The following KIAA1549L variants were observed in gnomAD, a reference collection of about 807,000 sequenced individuals.
KIAA1549L encodes UPF0606 protein KIAA1549L.
Under a neutral mutation model 160.7 loss-of-function variants are expected in KIAA1549L, and 88 were observed. That is an observed-to-expected ratio of 0.55 (90% CI 0.46 to 0.65). KIAA1549L has a LOEUF of 0.65. Ranked by LOEUF, KIAA1549L falls within the 30% of genes least tolerant of loss-of-function variation. The pLI, the probability that KIAA1549L is intolerant of heterozygous loss-of-function variation, is 0.00. For missense variants in KIAA1549L, 2,258 were observed against 2,437.5 expected, an observed-to-expected ratio of 0.93 and a Z score of 1.55; for synonymous variants, 950 against 976.7, an observed-to-expected ratio of 0.97 and a Z score of 0.51.
intron 1 of KIAA1549L, among the ~76,000 whole-genome samples, chr11:33,457,174 T>C (rs1851844599): frequency 6.6e-6 from 1 of 152,068 alleles, no homozygotes; most frequent in African/African-American, 2.4e-5. Flanking sequence ...GAAGAGGGGT[T>C]TGGGGGAGTG....
chr11:33,416,400 A>T (rs1271529588), intron 1 of KIAA1549L, among the ~76,000 whole-genome samples: 1 of 152,038 alleles, frequency 6.6e-6, no homozygotes, highest in African/African-American at 2.4e-5. Flanking sequence ...TCCCTAGTAA[A>T]TCTTTATGTA....
Position 33,394,055 on chromosome 11 carries a change from T to C in KIAA1549L, c.238+17166T>C, listed in dbSNP as rs577104775. ...GCATCACAAGCCAGGTACTAACTTC[T>C]CTCCACAGATGGGTTTTCAAAAATT... is the stretch of plus-strand genomic sequence containing the variant. On this transcript the variant is annotated intron_variant, in intron 1 of 20. Transcript: ENST00000658780. Among the ~76,000 whole-genome samples, 22 of 152,256 alleles carry C rather than the reference T, an allele frequency of 1.4e-4. No individual in the cohort carries two copies. The South Asian group carries it at 4.1e-3, about 29-fold the overall frequency.
chr11:33,438,367 G>A lies in KIAA1549L; in HGVS notation c.238+61478G>A, dbSNP rs143953325. On this transcript the variant is annotated intron_variant, in intron 1 of 20. Transcript: ENST00000658780. Reference sequence around the variant, plus strand: ...CGTTTCTCCTTATTTTGTGCCTAGAGTATAATAGCAAAACTTGTTAGAACC... The same window carrying A: ...CGTTTCTCCTTATTTTGTGCCTAGAATATAATAGCAAAACTTGTTAGAACC... 2.5e-3 allele frequency among the ~76,000 whole-genome samples: 374 copies of A among 152,336 alleles called. 1 individual carries two copies. Among genetic ancestry groups the A allele is most frequent in the African/African-American group, 7.0e-3 (292 of 41,572 alleles).
At chr11:33,643,082 C>T (rs575305995) in intron 16 of KIAA1549L, among the ~76,000 whole-genome samples, 14 of 152,154 alleles carry the variant, frequency 9.2e-5, no homozygotes, top group African/African-American at 3.1e-4. Flanking sequence ...GATTGGTGGC[C>T]GCATCAAGCC....
intron 16 of KIAA1549L, among the ~76,000 whole-genome samples, chr11:33,630,733 C>T (rs915603372): frequency 4.8e-5 from 7 of 145,480 alleles, no homozygotes; most frequent in African/African-American, 2.0e-4. Context: ...GCAGAAATCA[C>T]CCATCTTCTG....
chr11:33,446,225 G>T (rs1851608895), intron 1 of KIAA1549L, among the ~76,000 whole-genome samples: 1 of 151,756 alleles, frequency 6.6e-6, no homozygotes, highest in Non-Finnish European at 1.5e-5. Context: ...CTCCAGAGTA[G>T]CTGGGATTAC....
intron 1 of KIAA1549L, among the ~76,000 whole-genome samples, chr11:33,424,978 A>G (rs1482061656): frequency 6.6e-6 from 1 of 152,158 alleles, no homozygotes; most frequent in African/African-American, 2.4e-5. Context: ...AGTATCTCCA[A>G]ATGCCCAGCA....
At chr11:33,539,204 A>G (rs1853960029) in intron 1 of KIAA1549L, among the ~76,000 whole-genome samples, 1 of 152,220 alleles carries the variant, frequency 6.6e-6, no homozygotes, top group Non-Finnish European at 1.5e-5. Context: ...TCTGAGAAAT[A>G]TCCCAAACAT....
intron 1 of KIAA1549L, among the ~76,000 whole-genome samples, chr11:33,408,510 T>TATATATATATATATATATATATATATAC (rs58439063): frequency 3.4e-5 from 5 of 146,094 alleles, no homozygotes; most frequent in African/African-American, 1.3e-4. Context: ...TATATATATA[T>TATATATATATATATATATATATATATAC]ACACATGTAT....
chr11:33,589,599 A>T (rs899856214), intron 11 of KIAA1549L, among the ~76,000 whole-genome samples: 2 of 152,214 alleles, frequency 1.3e-5, no homozygotes, highest in East Asian at 3.9e-4. Flanking sequence ...TGAAGAGTTC[A>T]TGTCCTTTGT....
At chr11:33,450,585 C>CAAA (rs11453430) in intron 1 of KIAA1549L, 33 of 124,960 alleles carry the variant, frequency 2.6e-4, no homozygotes, top group African/African-American at 8.9e-4. Flanking sequence ...ACAACAACAA[C>CAAA]AACAAAAAAG....
At chr11:33,486,846 T>C (rs1479777887) in intron 1 of KIAA1549L, among the ~76,000 whole-genome samples, 4 of 152,224 alleles carry the variant, frequency 2.6e-5, no homozygotes, top group African/African-American at 9.6e-5. Flanking sequence ...CTGCTGATGA[T>C]GGAGCAGGTA....
At chr11:33,488,205 C>G (rs1852573530) in intron 1 of KIAA1549L, among the ~76,000 whole-genome samples, 1 of 152,154 alleles carries the variant, frequency 6.6e-6, no homozygotes, top group Non-Finnish European at 1.5e-5. Context: ...TGCTCAAACT[C>G]AAAGGCAGTG....
At chr11:33,583,234 T>A in intron 10 of KIAA1549L, 104 bp from the exon 11 acceptor site, 1 of 1,103,452 alleles carries the variant, frequency 9.1e-7, no homozygotes, top group South Asian at 1.6e-5. Context: ...ACCTCCCACG[T>A]CCTTCTGTCC....
chr11:33,384,582 C>T (rs963413685), intron 1 of KIAA1549L, among the ~76,000 whole-genome samples: 2 of 152,030 alleles, frequency 1.3e-5, no homozygotes, highest in African/African-American at 4.8e-5. Context: ...CTAGTTGTTC[C>T]TCTGTATCCT....
intron 1 of KIAA1549L, among the ~76,000 whole-genome samples, chr11:33,396,528 G>A (rs1024155288): frequency 1.3e-5 from 2 of 152,194 alleles, no homozygotes; most frequent in Non-Finnish European, 2.9e-5. Context: ...CTGACTTGAC[G>A]GGGTCTGGGA....
At position 33,645,892 on chromosome 11, in the gene KIAA1549L, C is replaced by G; in HGVS notation, c.5616C>G (p.His1872Gln). 6.2e-7 allele frequency: 1 copy of G among 1,613,720 alleles called. No homozygotes were observed. The change falls in exon 17 of 21, where the codon CAC becomes CAG. Residue 1872 changes from histidine to glutamine, a missense_variant. By Grantham distance (24) the His-to-Gln change is conservative. Around this residue, in one of 6 missense-constraint regions of KIAA1549L, gnomAD observed 1,359 missense variants for 1,546.6 expected, o/e 0.88. Coordinates refer to ENST00000658780, the MANE Select transcript of KIAA1549L (RefSeq NM_012194.3). ...CGGGCCACGCAGGCCAGAGCCGGCA[C>G]CAAGAGGCCTACGGCTCAGCCCAGC... ...ASAGHAGQSR[H>Q]QEAYGSAQHL... is the part of the protein sequence containing the mutation.
intron 1 of KIAA1549L, among the ~76,000 whole-genome samples, chr11:33,465,201 C>T (rs1005066055): frequency 6.6e-6 from 1 of 151,824 alleles, no homozygotes; most frequent in Non-Finnish European, 1.5e-5. Context: ...GGATTGTAGG[C>T]TCACGCCACC....
intron 1 of KIAA1549L, among the ~76,000 whole-genome samples, chr11:33,518,628 A>T (rs530679295): frequency 6.6e-6 from 1 of 152,210 alleles, no homozygotes; most frequent in Non-Finnish European, 1.5e-5. Context: ...TTTTTAATTC[A>T]TAGAATAAAG....
Sources: allele counts gnomAD v4.1 joint callset (sites outside exome capture counted in the v4.1 genomes callset), GRCh38; gene constraint gnomAD v4.1.1; regional missense constraint gnomAD v4.1.1; transcripts MANE v1.5; gene names NCBI Gene and HGNC (gene_info 2026-07-23, HGNC 2026-07-21).